Variants in GPLD1 observed in about 807,000 individuals in gnomAD.
The protein encoded by GPLD1 is phosphatidylinositol-glycan-specific phospholipase D.
Under a neutral mutation model 112.6 loss-of-function variants are expected in GPLD1, and 84 were observed. That is an observed-to-expected ratio of 0.75 (90% confidence interval 0.63 to 0.89). The LOEUF (loss-of-function observed/expected upper bound fraction) is 0.89, where lower values mean the gene tolerates loss of function less well. GPLD1 is among the 40% of genes least tolerant of loss of function. The pLI, the probability that GPLD1 is intolerant of heterozygous loss-of-function variation, is 0.00. For missense variants in GPLD1, 1,044 were observed against 1,051.5 expected, an observed-to-expected ratio of 0.99 and a Z score of 0.10; for synonymous variants, 386 against 403.8, an observed-to-expected ratio of 0.96 and a Z score of 0.53.
At chr6:24,431,535 C>G (rs537630960) in intron 24 of GPLD1, among the ~76,000 whole-genome samples, 12 of 139,054 alleles carry the variant, frequency 8.6e-5, no homozygotes, top group African/African-American at 3.2e-4. Flanking sequence ...TAAGGTTAAA[C>G]TTTTTTTTTT....
chr6:24,466,801 T>C lies in GPLD1; in HGVS notation c.700A>G (p.Thr234Ala). The change falls in exon 10 of 25, where the codon ACA becomes GCA. Residue 234 changes from threonine (T) to alanine (A), a missense_variant. Thr to Ala is a moderately conservative substitution (Grantham distance 58). Transcript: ENST00000230036. ...AVSKLYPTYS[T>A]KSPFLVEQFQ... ...TGTTCCACCAAAAACGGGGACTTTG[T>C]AGAGTAAGTGGGATATAACTATGGC... 1 of 1,611,290 alleles carries C rather than the reference T, an allele frequency of 6.2e-7. No homozygotes were observed. Among genetic ancestry groups the C allele is most frequent in the Non-Finnish European group, 8.5e-7 (1 of 1,177,566 alleles).
At chr6:24,442,985 G>A (rs1352806361) in intron 20 of GPLD1, among the ~76,000 whole-genome samples, 1 of 152,192 alleles carries the variant, frequency 6.6e-6, no homozygotes, top group Non-Finnish European at 1.5e-5. Flanking sequence ...CACTTGGGTA[G>A]AAAGAGTGGT....
chr6:24,435,233 G>C (rs527472025), intron 22 of GPLD1, among the ~76,000 whole-genome samples: 56 of 150,180 alleles, frequency 3.7e-4, no homozygotes, highest in African/African-American at 1.3e-3. Flanking sequence ...GGATGGTCTC[G>C]ATCTTCTGAC....
chr6:24,433,272 G>A (rs367553821), intron 23 of GPLD1, 35 bp from the exon 24 acceptor site: 19 of 1,598,132 alleles, frequency 1.2e-5, no homozygotes, highest in Non-Finnish European at 1.5e-5. Flanking sequence ...GGGCTTTGAA[G>A]AACATAGTGT....
chr6:24,450,991 GAATA>G (rs71754620), intron 14 of GPLD1, among the ~76,000 whole-genome samples: 194 of 152,066 alleles, frequency 1.3e-3, no homozygotes, highest in African/African-American at 4.1e-3. Context: ...CACACAAACA[GAATA>G]AATAAATAAA....
At chr6:24,443,671 T>G (rs1486026386) in intron 20 of GPLD1, among the ~76,000 whole-genome samples, 1 of 151,528 alleles carries the variant, frequency 6.6e-6, no homozygotes, top group Non-Finnish European at 1.5e-5. Context: ...CCACTTGTTT[T>G]TTTGTTTTTT....
intron 14 of GPLD1, among the ~76,000 whole-genome samples, chr6:24,452,844 C>G (rs779050850): frequency 1.3e-5 from 2 of 151,678 alleles, no homozygotes; most frequent in Non-Finnish European, 2.9e-5. Context: ...CACTTCACAG[C>G]GAAAGGGTAA....
chr6:24,475,704 A>G (rs1763990726), intron 4 of GPLD1, among the ~76,000 whole-genome samples: 1 of 150,740 alleles, frequency 6.6e-6, no homozygotes, highest in African/African-American at 2.4e-5. Context: ...AAAAAAAAAA[A>G]AAAATTAGCC....
In GPLD1 at chr6:24,427,933, T is replaced by C. The variant is rs975299863; in HGVS notation, c.*1099A>G. 4.6e-5 allele frequency among the ~76,000 whole-genome samples: 7 copies of C among 151,752 alleles called. No homozygotes were observed. Among genetic ancestry groups the C allele is most frequent in the Admixed American group, 4.6e-4 (7 of 15,242 alleles). On this transcript the variant is annotated 3_prime_UTR_variant, in exon 25 of 25. Transcript: ENST00000230036. ...AAAACCAAATACCAAGTATAGCATG[T>C]TCTCACAAGTGGGTGCTAAGTTAAA...
chr6:24,455,990 C>T (rs1277275901), intron 13 of GPLD1, among the ~76,000 whole-genome samples: 2 of 152,044 alleles, frequency 1.3e-5, no homozygotes, highest in African/African-American at 2.4e-5. Context: ...GCCTGGGCAA[C>T]ATAGCAAGAC....
intron 2 of GPLD1, among the ~76,000 whole-genome samples, chr6:24,483,625 C>T (rs1247730629): frequency 6.6e-6 from 1 of 151,864 alleles, no homozygotes; most frequent in East Asian, 2.0e-4. Flanking sequence ...TGAGATCACA[C>T]CACTGCACTC....
At chr6:24,444,753 G>C (rs184651104) in intron 20 of GPLD1, among the ~76,000 whole-genome samples, 1 of 152,052 alleles carries the variant, frequency 6.6e-6, no homozygotes, top group South Asian at 2.1e-4. Context: ...AGGAGGCTGA[G>C]GTGCAAGGTT....
intron 2 of GPLD1, among the ~76,000 whole-genome samples, chr6:24,484,305 G>A (rs1010532816): frequency 2.1e-4 from 32 of 151,872 alleles, no homozygotes; most frequent in African/African-American, 7.3e-4. Flanking sequence ...TCTACCTCCC[G>A]GGTTCAAACG....
At chr6:24,487,930 G>A (rs543038975) in intron 1 of GPLD1, among the ~76,000 whole-genome samples, 5 of 152,240 alleles carry the variant, frequency 3.3e-5, no homozygotes, top group African/African-American at 1.2e-4. Context: ...AACTGGACTC[G>A]GTGACTTCTA....
At chr6:24,471,188 T>C (rs768704278) in intron 7 of GPLD1, among the ~76,000 whole-genome samples, 6 of 152,056 alleles carry the variant, frequency 3.9e-5, no homozygotes, top group Non-Finnish European at 7.4e-5. Flanking sequence ...CCCATACATA[T>C]ACATAACATT....
In GPLD1 at chr6:24,476,271, G is replaced by A. The variant is rs1764014099; in HGVS notation, c.240C>T (p.Phe80=). ...AGTGAGTGCTCTCAGACACATCATG[G>A]AATTTTCCTGACAAAACAAAAGCAG... ...FYPSICKGGK[F]HDVSESTHWT... Residue 80 remains phenylalanine (F), a synonymous_variant, in exon 4 of 25, where the codon TTC becomes TTT. Coordinates refer to ENST00000230036, the MANE Select transcript of GPLD1 (RefSeq NM_001503.4). 6.6e-7 allele frequency: 1 copy of A among 1,524,220 alleles called. No homozygotes were observed. Among genetic ancestry groups the A allele is most frequent in the East Asian group, 2.4e-5 (1 of 42,392 alleles). 94.4% of individuals were successfully genotyped at this position (1,524,220 alleles called of 1,614,324 possible).
At chr6:24,477,473 C>G (rs1026362310) in intron 3 of GPLD1, among the ~76,000 whole-genome samples, 1 of 152,032 alleles carries the variant, frequency 6.6e-6, no homozygotes, top group East Asian at 1.9e-4. Flanking sequence ...AATCCCAGCA[C>G]TTTGGGAGGC....
intron 3 of GPLD1, among the ~76,000 whole-genome samples, chr6:24,477,139 G>A (rs1299157278): frequency 6.6e-6 from 1 of 151,184 alleles, no homozygotes; most frequent in Non-Finnish European, 1.5e-5. Flanking sequence ...TAAAACTCCA[G>A]AATTAAATAT....
chr6:24,493,586 C>T (rs939451362), upstream of GPLD1, among the ~76,000 whole-genome samples: 1 of 152,224 alleles, frequency 6.6e-6, no homozygotes, highest in Non-Finnish European at 1.5e-5. Flanking sequence ...CTCCCCAGCC[C>T]CACCTGTGAT....
Sources: gnomAD v4.1 joint callset for allele counts (sites outside exome capture counted in the v4.1 genomes callset) on GRCh38, gnomAD v4.1.1 for gene constraint, MANE v1.5 for transcripts, NCBI Gene and HGNC (gene_info 2026-07-23, HGNC 2026-07-21) for gene names.